Variants in CADM2 observed in about 807,000 individuals in gnomAD.
CADM2 encodes immunoglobulin superfamily member 4D.
CADM2 carries 12 observed loss-of-function variants against 49.8 expected under a neutral mutation model. The observed-to-expected ratio is 0.24, with a 90% CI of 0.15 to 0.39. The LOEUF is 0.39. Ranked by LOEUF, CADM2 falls within the 10% of genes least tolerant of loss-of-function variation. The pLI, the probability that CADM2 is intolerant of heterozygous loss-of-function variation, is 1.00. For missense variants in CADM2, 378 were observed against 492.3 expected, an observed-to-expected ratio of 0.77 and a Z score of 2.20; for synonymous variants, 214 against 175.4, an observed-to-expected ratio of 1.22 and a Z score of -1.74.
intron 1 of CADM2, among the ~76,000 whole-genome samples, chr3:85,543,905 T>C (rs1325941594): frequency 1.3e-5 from 2 of 152,200 alleles, no homozygotes; most frequent in Non-Finnish European, 2.9e-5. Context: ...AACACTTGAA[T>C]TCTGGGAGAC....
intron 6 of CADM2, among the ~76,000 whole-genome samples, chr3:85,917,719 C>T (rs1426819036): frequency 6.6e-6 from 1 of 152,110 alleles, no homozygotes; most frequent in Non-Finnish European, 1.5e-5. Flanking sequence ...TCATTGGTAG[C>T]TTGATGGGGA....
chr3:85,631,143 G>A (rs550605992), intron 1 of CADM2, among the ~76,000 whole-genome samples: 11 of 151,968 alleles, frequency 7.2e-5, no homozygotes, highest in African/African-American at 2.4e-4. Context: ...CTTCTCTTCG[G>A]ACTGGCTCAG....
intron 1 of CADM2, among the ~76,000 whole-genome samples, chr3:85,675,133 G>A (rs1286350208): frequency 2.0e-5 from 3 of 152,090 alleles, no homozygotes; most frequent in Non-Finnish European, 4.4e-5. Flanking sequence ...TAATGACAAA[G>A]TATCCGTGTG....
intron 6 of CADM2, among the ~76,000 whole-genome samples, chr3:85,923,118 C>T (rs914930340): frequency 4.6e-5 from 7 of 152,126 alleles, no homozygotes; most frequent in Admixed American, 2.0e-4. Flanking sequence ...CCACCGCGCC[C>T]GGCCGAAACT....
chr3:85,314,477 AC>A (rs995390321), intron 1 of CADM2, among the ~76,000 whole-genome samples: 5 of 152,164 alleles, frequency 3.3e-5, no homozygotes, highest in African/African-American at 1.2e-4. Context: ...TTAAAAAAAA[AC>A]CTTCATAATC....
chr3:85,251,387 A>G (rs528748830), intron 1 of CADM2, among the ~76,000 whole-genome samples: 1 of 152,056 alleles, frequency 6.6e-6, no homozygotes, highest in Admixed American at 6.6e-5. Context: ...TTACAGAAAC[A>G]GATAAAAATT....
intron 1 of CADM2, among the ~76,000 whole-genome samples, chr3:85,588,458 G>T (rs1397143552): frequency 6.6e-6 from 1 of 152,052 alleles, no homozygotes; most frequent in African/African-American, 2.4e-5. Context: ...AGAGCCAGCA[G>T]ATCTGCATTA....
chr3:85,477,243 A>AACACACACAC (rs139955724), intron 1 of CADM2, among the ~76,000 whole-genome samples: 2,983 of 144,782 alleles, frequency 0.021, 86 homozygotes, highest in African/African-American at 0.064. Context: ...GATTCCCTTA[A>AACACACACAC]ACACACACAC....
intron 1 of CADM2, among the ~76,000 whole-genome samples, chr3:85,413,147 AAAAAAAAAAAAAAAAATAAT>A (rs1324994229): frequency 5.6e-5 from 8 of 143,420 alleles, no homozygotes; most frequent in Non-Finnish European, 1.2e-4. Flanking sequence ...TCAAAAAAAA[AAAAAAAAAAAAAAAAATAAT>A]AATAATAATA....
chr3:84,999,504 G>A (rs142881354), intron 1 of CADM2, among the ~76,000 whole-genome samples: 115 of 152,208 alleles, frequency 7.6e-4, no homozygotes, highest in Non-Finnish European at 1.5e-3. Context: ...TGGTACTTAT[G>A]TACTCTGTTT....
intron 1 of CADM2, among the ~76,000 whole-genome samples, chr3:85,683,441 C>T (rs181654007): frequency 6.6e-6 from 1 of 152,222 alleles, no homozygotes; most frequent in African/African-American, 2.4e-5. Flanking sequence ...ATAAATAGAA[C>T]CCTTAGTGGA....
At chr3:85,458,460 G>T (rs1003278053) in intron 1 of CADM2, among the ~76,000 whole-genome samples, 4 of 152,148 alleles carry the variant, frequency 2.6e-5, no homozygotes, top group African/African-American at 9.7e-5. Context: ...CAAGAAATAT[G>T]TATTGATCTC....
At chr3:85,869,586 AC>A (rs2075842532) in intron 3 of CADM2, among the ~76,000 whole-genome samples, 1 of 152,058 alleles carries the variant, frequency 6.6e-6, no homozygotes, top group African/African-American at 2.4e-5. Context: ...AGAGCTCTGT[AC>A]AACCACCATG....
intron 1 of CADM2, among the ~76,000 whole-genome samples, chr3:85,479,302 T>C (rs761719257): frequency 4.0e-5 from 6 of 151,846 alleles, no homozygotes; most frequent in Non-Finnish European, 5.9e-5. Context: ...TCCCATTTAG[T>C]GGACCAACAT....
intron 1 of CADM2, among the ~76,000 whole-genome samples, chr3:85,414,332 T>G (rs1365662445): frequency 6.6e-6 from 1 of 152,156 alleles, no homozygotes; most frequent in Non-Finnish European, 1.5e-5. Context: ...CTGCAGAAAT[T>G]TATGTAAATC....
At chr3:85,543,420 A>ATGTGTGTGGGGGTGGGGGTGTGTGTG in intron 1 of CADM2, among the ~76,000 whole-genome samples, 1 of 129,642 alleles carries the variant, frequency 7.7e-6, no homozygotes, top group Non-Finnish European at 1.7e-5. Context: ...TGCCAAGCTA[A>ATGTGTGTGGGGGTGGGGGTGTGTGTG]TGTGTGTGTG....
chr3:85,664,027 AT>A (rs2065488928), intron 1 of CADM2, among the ~76,000 whole-genome samples: 1 of 151,924 alleles, frequency 6.6e-6, no homozygotes, highest in Non-Finnish European at 1.5e-5. Flanking sequence ...TAAAATGAAA[AT>A]TTTATTGATT....
chr3:85,288,810 A>G (rs2043703462), intron 1 of CADM2, among the ~76,000 whole-genome samples: 2 of 114,288 alleles, frequency 1.7e-5, no homozygotes, highest in South Asian at 6.5e-4. Flanking sequence ...TTTTTCCATC[A>G]TGGCTAATTT....
intron 8 of CADM2, among the ~76,000 whole-genome samples, chr3:85,973,006 C>T (rs1197802113): frequency 6.6e-6 from 1 of 151,684 alleles, no homozygotes; most frequent in African/African-American, 2.4e-5. Flanking sequence ...CTGTATGCTG[C>T]ATTTTAATTT....
Sources: allele counts gnomAD v4.1 joint callset (sites outside exome capture counted in the v4.1 genomes callset), GRCh38; gene constraint gnomAD v4.1.1; transcripts MANE v1.5; gene names NCBI Gene and HGNC (gene_info 2026-07-23, HGNC 2026-07-21).